Variants in MBNL2 observed in about 807,000 individuals in gnomAD.
MBNL2 encodes the protein muscleblind like splicing regulator 2, also known as muscleblind-like protein 2.
In MBNL2, 17 loss-of-function variants were observed where a neutral mutation model predicts 41.9. The ratio of observed to expected loss-of-function variants is 0.41; its 90% CI spans 0.28 to 0.61. The LOEUF (loss-of-function observed/expected upper bound fraction) is 0.61, where lower values mean the gene tolerates loss of function less well. MBNL2 is among the 20% of genes least tolerant of loss of function. The pLI, the probability that MBNL2 is intolerant of heterozygous loss-of-function variation, is 0.35. For synonymous variants in MBNL2, 195 were observed against 182.9 expected (o/e 1.07, Z -0.53); for missense variants, 336 against 505.6 (o/e 0.66, Z 3.22).
rs918248582 is a variant in MBNL2, at chr13:97,328,786, A to T, written c.175-5490A>T. Among the ~76,000 whole-genome samples the T allele has an allele frequency of 2.0e-5, 3 of 152,182 alleles. 1 individual carries two copies. The South Asian group carries it at 6.2e-4, about 32-fold the overall frequency. On this transcript the variant is annotated intron_variant, in intron 2 of 8. Transcript: ENST00000679496. Reference sequence around the variant, plus strand: ...ATTCCTATGGGCAAAAACTATTGTTAATGGGAGAGTCTTTAATAGTCTTCT... The same window carrying T: ...ATTCCTATGGGCAAAAACTATTGTTTATGGGAGAGTCTTTAATAGTCTTCT...
the MBNL2 span, among the ~76,000 whole-genome samples, chr13:97,199,885 G>A: frequency 2.0e-5 from 3 of 152,216 alleles, no homozygotes; most frequent in African/African-American, 7.2e-5. Context: ...GGGACTCATT[G>A]GGGTTAGACC....
chr13:97,276,137 T>C lies in MBNL2; in HGVS notation c.-99T>C. The C allele has an allele frequency of 1.1e-6, 1 of 892,404 alleles. No individual in the cohort carries two copies. Among genetic ancestry groups the C allele is most frequent in the Non-Finnish European group, 1.8e-6 (1 of 557,160 alleles). The allele number at this position is 892,404 out of a possible 1,614,324, so 55.3% of individuals were successfully genotyped here. A position where few individuals can be genotyped will look rare whatever the true frequency, so the allele number is the denominator to read the frequency against. On this transcript the variant is annotated 5_prime_UTR_variant, in exon 2 of 9. Coordinates refer to ENST00000679496, the MANE Select transcript of MBNL2 (RefSeq NM_001382683.1). ...GCAATTTATCACTCACCTTCAGACT[T>C]ACATGTGGGAGTTTTCACAACAGTA...
At chr13:97,306,323 C>T (rs968514499) in intron 2 of MBNL2, among the ~76,000 whole-genome samples, 4 of 152,242 alleles carry the variant, frequency 2.6e-5, no homozygotes, top group Non-Finnish European at 5.9e-5. Context: ...TTAATTGCCA[C>T]ATTCATTGAT....
intron 8 of MBNL2, among the ~76,000 whole-genome samples, chr13:97,386,326 G>A (rs957868704): frequency 1.3e-5 from 2 of 152,230 alleles, no homozygotes; most frequent in African/African-American, 4.8e-5. Context: ...GCTCTTAGCT[G>A]AATTTAGCCC....
At chr13:97,195,902 C>G in the MBNL2 span, among the ~76,000 whole-genome samples, 1 of 152,190 alleles carries the variant, frequency 6.6e-6, no homozygotes, top group East Asian at 1.9e-4. Flanking sequence ...ATGTACTACA[C>G]TGGACAACAT....
At chr13:97,296,230 A>AT (rs1247337135) in intron 2 of MBNL2, among the ~76,000 whole-genome samples, 3 of 152,196 alleles carry the variant, frequency 2.0e-5, no homozygotes, top group Non-Finnish European at 4.4e-5. Flanking sequence ...TCTCTGAAAG[A>AT]TTTAGAACTG....
At chr13:97,354,382 A>G (rs181776988) in intron 5 of MBNL2, among the ~76,000 whole-genome samples, 47 of 152,340 alleles carry the variant, frequency 3.1e-4, no homozygotes, top group African/African-American at 1.0e-3. Flanking sequence ...ATGGATTTTT[A>G]AAATACATTC....
At chr13:97,269,976 A>G (rs940025343) in intron 1 of MBNL2, among the ~76,000 whole-genome samples, 3 of 152,252 alleles carry the variant, frequency 2.0e-5, no homozygotes, top group African/African-American at 4.8e-5. Flanking sequence ...TATTTCCACT[A>G]TAATCTGTCT....
chr13:97,383,299 G>C (rs1310979270), intron 8 of MBNL2, among the ~76,000 whole-genome samples: 1 of 152,182 alleles, frequency 6.6e-6, no homozygotes, highest in East Asian at 1.9e-4. Flanking sequence ...CATGTGACAT[G>C]GACTCATGCA....
intron 2 of MBNL2, among the ~76,000 whole-genome samples, chr13:97,324,356 C>T (rs1384729101): frequency 6.6e-6 from 1 of 152,150 alleles, no homozygotes; most frequent in Non-Finnish European, 1.5e-5. Flanking sequence ...TATGAGGTTT[C>T]CTGTACGGTT....
chr13:97,327,262 A>T (rs762785497), intron 2 of MBNL2, among the ~76,000 whole-genome samples: 1 of 152,080 alleles, frequency 6.6e-6, no homozygotes, highest in Non-Finnish European at 1.5e-5. Flanking sequence ...AATCTCCTCA[A>T]ACCTCATCAC....
At chr13:97,289,239 T>C (rs953350828) in intron 2 of MBNL2, among the ~76,000 whole-genome samples, 6 of 152,218 alleles carry the variant, frequency 3.9e-5, no homozygotes, top group South Asian at 2.1e-4. Flanking sequence ...ATAGAATATA[T>C]AGATGCTCTT....
chr13:97,374,296 C>T (rs1225834203), intron 8 of MBNL2, among the ~76,000 whole-genome samples: 3 of 151,536 alleles, frequency 2.0e-5, no homozygotes, highest in African/African-American at 7.3e-5. Flanking sequence ...TACAGGCGCC[C>T]GCCACTACGC....
Position 97,292,661 on chromosome 13 carries a change from T to C in MBNL2, c.174+16252T>C, listed in dbSNP as rs74108917. Reference sequence around the variant, plus strand: ...ACTTCTTTAATTAAATTGTAGAAAGTGTTGTCGATATCCAAATTCCTCTCT... The same window carrying C: ...ACTTCTTTAATTAAATTGTAGAAAGCGTTGTCGATATCCAAATTCCTCTCT... On this transcript the variant is annotated intron_variant, in intron 2 of 8. Transcript: ENST00000679496. Among the ~76,000 whole-genome samples, 1,498 of 152,228 alleles carry C rather than the reference T, an allele frequency of 9.8e-3. 26 individuals carry two copies. The highest frequency in any genetic ancestry group is 0.035 in the African/African-American group (1,458 of 41,550).
At position 97,357,583 on chromosome 13, in the gene MBNL2, G is replaced by A; in HGVS notation, c.960G>A (p.Gln320=). ...TTAACCCCAGCGTCTTGCACTACCA[G>A]CAGGCTCTCACCAGCGCACAGTTGC... ...AVFNPSVLHY[Q]QALTSAQLQQ... is the part of the protein sequence containing the mutation. Residue 320 remains glutamine, a synonymous_variant, in exon 7 of 9, where the codon CAG becomes CAA. Coordinates refer to ENST00000679496, the MANE Select transcript of MBNL2 (RefSeq NM_001382683.1). 6.2e-7 allele frequency: 1 copy of A among 1,614,068 alleles called. No homozygotes were observed. The highest frequency in any genetic ancestry group is 8.5e-7 in the Non-Finnish European group (1 of 1,179,984).
At chr13:97,233,246 C>T (rs983606345) in intron 1 of MBNL2, among the ~76,000 whole-genome samples, 11 of 139,834 alleles carry the variant, frequency 7.9e-5, no homozygotes, top group South Asian at 2.4e-4. Context: ...TGTATACATG[C>T]GCCATGTTGG....
chr13:97,203,592 T>C, the MBNL2 span, among the ~76,000 whole-genome samples: 1 of 152,192 alleles, frequency 6.6e-6, no homozygotes, highest in Non-Finnish European at 1.5e-5. Context: ...TTTTGGTGTT[T>C]GATCAAATAT....
chr13:97,153,765 G>T, the MBNL2 span, among the ~76,000 whole-genome samples: 1 of 152,228 alleles, frequency 6.6e-6, no homozygotes, highest in South Asian at 2.1e-4. Flanking sequence ...CCATTTACAA[G>T]GGGGAGAGAA....
the MBNL2 span, among the ~76,000 whole-genome samples, chr13:97,171,914 T>TTC: frequency 1.3e-5 from 2 of 152,198 alleles, no homozygotes; most frequent in South Asian, 2.1e-4. Flanking sequence ...TCGGCTCTCA[T>TTC]TCTCTCTTTG....
Sources: allele counts gnomAD v4.1 joint callset (sites outside exome capture counted in the v4.1 genomes callset), GRCh38; gene constraint gnomAD v4.1.1; transcripts MANE v1.5; gene names NCBI Gene and HGNC (gene_info 2026-07-23, HGNC 2026-07-21).